Variants in CCDC120 observed in about 807,000 individuals in gnomAD.
CCDC120 encodes the protein coiled-coil domain-containing protein 120.
In CCDC120, 16 loss-of-function variants were observed where a neutral mutation model predicts 37.6. That is an observed-to-expected ratio of 0.43 (90% CI 0.29 to 0.65). CCDC120 has a LOEUF of 0.65. Among genes scored for constraint, CCDC120 ranks in the 30% least tolerant of loss-of-function variants. CCDC120 has a pLI of 0.18. For synonymous variants in CCDC120, 309 were observed against 275.4 expected (o/e 1.12, Z -1.21); for missense variants, 650 against 657.4 (o/e 0.99, Z 0.12).
chrX:49,059,300 A>G, intron 1 of CCDC120: 1 of 752,092 alleles, frequency 1.3e-6, no homozygotes, highest in Non-Finnish European at 1.6e-6. Flanking sequence ...CAAAACACCA[A>G]TTTCCTTTCC....
chrX:49,054,049 C>T (rs1389471580), upstream of CCDC120, among the ~76,000 whole-genome samples: 6 of 112,353 alleles, frequency 5.3e-5, no homozygotes, highest in South Asian at 3.7e-4. Flanking sequence ...CCCTGCTGGC[C>T]TTGGCCTCAG....
rs782275003 is a variant in CCDC120 at position 49,067,735 on chromosome X, C to G, written c.1621C>G (p.Pro541Ala). The change falls in exon 10 of 11, where the codon CCC becomes GCC. Residue 541 changes from proline (P) to alanine (A), a missense_variant. Pro to Ala is a conservative substitution (Grantham distance 27). This residue lies in a region of CCDC120 where 576 missense variants were observed against 565.3 expected (regional missense o/e 1.02). Transcript: ENST00000603986. Reference sequence around the variant, plus strand: ...CAGCCCCCTCCTCCGCACCAAGGACCCCCACACCCGTGCCACCCGCACTAA... The same window carrying G: ...CAGCCCCCTCCTCCGCACCAAGGACGCCCACACCCGTGCCACCCGCACTAA... ...SNSPLLRTKDPHTRATRTKPC... is the reference protein window; with the variant it reads ...SNSPLLRTKDAHTRATRTKPC... The G allele has an allele frequency of 1.7e-6, 2 of 1,195,786 alleles. No homozygotes were observed. Among genetic ancestry groups the G allele is most frequent in the South Asian group, 3.6e-5 (2 of 55,416 alleles).
At chrX:49,068,380 T>C in intron 10 of CCDC120, 164 bp from the exon 11 acceptor site, 1 of 1,046,982 alleles carries the variant, frequency 9.6e-7, no homozygotes, top group Non-Finnish European at 1.2e-6. Flanking sequence ...CCTTGCTGTT[T>C]TCTTCCTTTT....
chrX:49,054,115 C>G (rs2064816659), upstream of CCDC120, among the ~76,000 whole-genome samples: 1 of 111,636 alleles, frequency 9.0e-6, no homozygotes. Flanking sequence ...GGTCCTCAAC[C>G]CCTGTTTTGT....
chrX:49,067,005 C>G lies in CCDC120; in HGVS notation c.1062-171C>G, dbSNP rs2064962699. On this transcript the variant is annotated intron_variant, in intron 9 of 10. Transcript: ENST00000603986. ...CGCCTAGCCTAGGATAGAACCTCAG[C>G]TGCCCTTTACATGTCACTACCTGCC... The G allele has an allele frequency of 2.2e-5, 10 of 460,050 alleles. No individual in the cohort carries two copies. In the South Asian group the frequency reaches 3.4e-4, roughly 16 times the overall value. 37.9% of individuals were successfully genotyped at this position (460,050 alleles called of 1,213,427 possible).
intron 1 of CCDC120, among the ~76,000 whole-genome samples, chrX:49,061,220 A>G (rs979380860): frequency 1.8e-5 from 2 of 111,863 alleles, no homozygotes; most frequent in Non-Finnish European, 3.8e-5. Context: ...GGACTTCCCT[A>G]CACTAGGCTC....
chrX:49,067,479 C>T lies in CCDC120; in HGVS notation c.1365C>T (p.Ala455=), dbSNP rs374295188. 453 of 1,173,534 alleles carry T rather than the reference C, an allele frequency of 3.9e-4. No individual in the cohort carries two copies. Among genetic ancestry groups the T allele is most frequent in the Non-Finnish European group, 4.7e-4 (416 of 876,219 alleles). The change falls in exon 10 of 11, where the codon GCC becomes GCT. Residue 455 remains alanine (A), a synonymous_variant. Transcript: ENST00000603986. The stretch of plus-strand genomic sequence containing the variant: ...CAGGCCCCCCAGACCCTCCCCGGGC[C>T]GCCCGGCCTAGCTCAGCTGCCCCTG... ...RTAGPPDPPR[A]ARPSSAAPAS...
intron 9 of CCDC120, 68 bp downstream of exon 9, chrX:49,065,913 T>C: frequency 1.0e-6 from 1 of 990,157 alleles, no homozygotes. Context: ...ACTGGAAGCT[T>C]GAGGACAACA....
intron 6 of CCDC120, 124 bp from the exon 7 acceptor site, chrX:49,064,912 A>T: frequency 5.2e-6 from 4 of 770,969 alleles, no homozygotes; most frequent in Non-Finnish European, 7.6e-6. Flanking sequence ...TTCTTGGGAC[A>T]GGAACAGGAT....
upstream of CCDC120, among the ~76,000 whole-genome samples, chrX:49,056,487 T>C (rs2064831155): frequency 9.2e-6 from 1 of 108,934 alleles, no homozygotes; most frequent in Admixed American, 9.8e-5. Flanking sequence ...ATTAGCTGGG[T>C]GTGGTGGCAC....
chrX:49,065,046 T>C lies in CCDC120; in HGVS notation c.735T>C (p.Val245=), dbSNP rs2064936600. The C allele has an allele frequency of 4.1e-6, 5 of 1,211,276 alleles. No individual in the cohort carries two copies. Among genetic ancestry groups the C allele is most frequent in the Middle Eastern group, 4.6e-4 (2 of 4,353 alleles). Reference sequence around the variant, plus strand: ...CCCTCTCACCTGTAGAGGACGTAGTTCTGCACTCAGAGAGCAGCTCCCTCT... The same window carrying C: ...CCCTCTCACCTGTAGAGGACGTAGTCCTGCACTCAGAGAGCAGCTCCCTCT... The part of the protein sequence containing the change: ...RLAQLSQEDV[V]LHSESSSLSE... The change falls in exon 7 of 11, where the codon GTT becomes GTC. Residue 245 remains valine, a synonymous_variant. Coordinates refer to ENST00000603986, the MANE Select transcript of CCDC120 (RefSeq NM_001163321.4).
upstream of CCDC120, among the ~76,000 whole-genome samples, chrX:49,054,936 C>T (rs1393261840): frequency 9.0e-6 from 1 of 111,722 alleles, no homozygotes; most frequent in Non-Finnish European, 1.9e-5. Flanking sequence ...ATCCACTTGC[C>T]ATCCCTTCTG....
At chrX:49,062,717 A>T (rs1557079879) in intron 4 of CCDC120, 116 bp downstream of exon 4, 2 of 759,498 alleles carry the variant, frequency 2.6e-6, no homozygotes, top group Non-Finnish European at 3.7e-6. Context: ...TTGGCTGTAG[A>T]TTCCCTGTCA....
chrX:49,063,932 G>C lies in CCDC120; in HGVS notation c.360G>C (p.Arg120=). ...PGERPQLVRR[R]PPTARAYPPP... ...AACGGCCCCAGTTGGTCCGCCGGCGGCCCCCCACAGCCCGCGCCTACCCTC... is the reference window on the plus strand; with the variant it reads ...AACGGCCCCAGTTGGTCCGCCGGCGCCCCCCCACAGCCCGCGCCTACCCTC... Residue 120 remains arginine (R), a synonymous_variant, in exon 5 of 11, where the codon CGG becomes CGC. Transcript: ENST00000603986. 8.3e-7 allele frequency: 1 copy of C among 1,207,732 alleles called. No homozygotes were observed.
At chrX:49,066,098 C>T (rs192401864) in intron 9 of CCDC120, among the ~76,000 whole-genome samples, 71 of 111,825 alleles carry the variant, frequency 6.3e-4, no homozygotes, top group Middle Eastern at 4.6e-3. Context: ...TGGGGCATGC[C>T]TGTAATCCCA....
rs1430310976 is a variant in CCDC120 at position 49,065,697 on chromosome X, G to A, written c.963-50G>A. The A allele has an allele frequency of 4.2e-6, 5 of 1,185,172 alleles. No homozygotes were observed. In the African/African-American group the frequency reaches 7.0e-5, roughly 17 times the overall value. ...GATAGCAAGCCTGGGCTGGCAGAGG[G>A]TCTGCTGGTGGGTACAGTCTCTAAC... On this transcript the variant is annotated intron_variant, in intron 8 of 10. Transcript: ENST00000603986.
At position 49,065,566 on chromosome X, in the gene CCDC120, A is replaced by G; in HGVS notation, c.900A>G (p.Pro300=). The change falls in exon 8 of 11, where the codon CCA becomes CCG. Residue 300 remains proline (P), a synonymous_variant. Coordinates refer to ENST00000603986, the MANE Select transcript of CCDC120 (RefSeq NM_001163321.4). The part of the protein sequence containing the change: ...GSPERRTPWK[P]PPSDLYGDLK... ...CTGAGCGGCGAACCCCATGGAAACC[A>G]CCTCCATCAGATCTTTATGGGGATC... is the stretch of plus-strand genomic sequence containing the variant. 8.3e-7 allele frequency: 1 copy of G among 1,209,073 alleles called. No individual in the cohort carries two copies. The highest frequency in any genetic ancestry group is 3.0e-5 in the East Asian group (1 of 33,709).
chrX:49,066,234 CA>C (rs1350371804), intron 9 of CCDC120, among the ~76,000 whole-genome samples: 1 of 109,290 alleles, frequency 9.1e-6, no homozygotes, highest in Non-Finnish European at 1.9e-5. Flanking sequence ...CGTCTCAAAA[CA>C]AACAAAAAAA....
chrX:49,067,535 T>C lies in CCDC120; in HGVS notation c.1421T>C (p.Val474Ala). The change falls in exon 10 of 11, where the codon GTG (valine) becomes GCG (alanine). Residue 474 changes from valine to alanine, a missense_variant. Around this residue, in one of 3 missense-constraint regions of CCDC120, gnomAD observed 576 missense variants for 565.3 expected, o/e 1.02. Coordinates refer to ENST00000603986, the MANE Select transcript of CCDC120 (RefSeq NM_001163321.4). ...CGAGGTGCCCCCCGGCTCCCACCTG[T>C]GTGTGGAGACTTCCTCTTGGACTAT... ...ASRGAPRLPP[V>A]CGDFLLDYSL... 2 of 1,166,998 alleles carry C rather than the reference T, an allele frequency of 1.7e-6. No individual in the cohort carries two copies. The highest frequency in any genetic ancestry group is 2.3e-6 in the Non-Finnish European group (2 of 870,839).
Sources: gnomAD v4.1 joint callset for allele counts (sites outside exome capture counted in the v4.1 genomes callset) on GRCh38, gnomAD v4.1.1 for gene constraint, gnomAD v4.1.1 regional missense constraint, MANE v1.5 for transcripts, NCBI Gene and HGNC (gene_info 2026-07-23, HGNC 2026-07-21) for gene names.